PLEKHH1: variants seen among roughly 807,000 people sequenced by gnomAD.
PLEKHH1 encodes pleckstrin homology, MyTH4 and FERM domain containing H1, also known as pleckstrin homology domain-containing family H member 1.
PLEKHH1 carries 104 observed loss-of-function variants against 160.0 expected under a neutral mutation model. The observed-to-expected ratio is 0.65, with a 90% CI of 0.55 to 0.76. PLEKHH1 has a LOEUF of 0.76. PLEKHH1 is among the 30% of genes least tolerant of loss of function. The pLI, the probability that PLEKHH1 is intolerant of heterozygous loss-of-function variation, is 0.00. For missense variants in PLEKHH1, 1,427 were observed against 1,724.1 expected, an observed-to-expected ratio of 0.83 and a Z score of 3.05; for synonymous variants, 619 against 678.4, an observed-to-expected ratio of 0.91 and a Z score of 1.36.
chr14:67,559,628 A>C lies in PLEKHH1; in HGVS notation c.360A>C (p.Glu120Asp). 6.2e-7 allele frequency: 1 copy of C among 1,601,268 alleles called. No individual in the cohort carries two copies. The highest frequency in any genetic ancestry group is 8.5e-7 in the Non-Finnish European group (1 of 1,173,812). ...TGCAGAAGCAGATGAGGGCAGAGGAAGCAAAAACTGTTCAAGAAAAAGCTG... is the reference window on the plus strand; with the variant it reads ...TGCAGAAGCAGATGAGGGCAGAGGACGCAAAAACTGTTCAAGAAAAAGCTG... Reference protein sequence around the residue: ...LEKQKQMRAEEAKTVQEKAAK... With the variant: ...LEKQKQMRAEDAKTVQEKAAK... Residue 120 changes from glutamate (E) to aspartate (D), a missense_variant, in exon 5 of 29, where the codon GAA (glutamate) becomes GAC (aspartate). This residue lies in a region of PLEKHH1 where 831 missense variants were observed against 929.2 expected (regional missense o/e 0.89). Transcript: ENST00000329153.
At position 67,583,892 on chromosome 14, in the gene PLEKHH1, G is replaced by T; in HGVS notation, c.3569+9G>T. 1 of 1,613,150 alleles carries T rather than the reference G, an allele frequency of 6.2e-7. No homozygotes were observed. The highest frequency in any genetic ancestry group is 8.5e-7 in the Non-Finnish European group (1 of 1,179,230). The stretch of plus-strand genomic sequence containing the variant: ...CCCGCTGAACAGCTGAGGTAGGTAG[G>T]CTACAAGGTCTTGCAGCAAGTCACT... On this transcript the variant is annotated intron_variant, in intron 25 of 28. Transcript: ENST00000329153.
At chr14:67,571,637 TCCC>T in intron 9 of PLEKHH1, 112 bp from the exon 10 acceptor site, 1 of 984,308 alleles carries the variant, frequency 1.0e-6, no homozygotes, top group East Asian at 2.4e-5. Flanking sequence ...CTGTTCAGAG[TCCC>T]GGCTGGGGGT....
chr14:67,572,410 C>T (rs1801237897), intron 11 of PLEKHH1, 133 bp downstream of exon 11: 6 of 173,934 alleles, frequency 3.4e-5, no homozygotes, highest in East Asian at 1.4e-4. Flanking sequence ...GGGCAGGGGG[C>T]GTGGGCTGGG....
rs560689997 is a variant in PLEKHH1, at chr14:67,572,296, G to A, written c.1728+19G>A. 99 of 1,572,202 alleles carry A rather than the reference G, an allele frequency of 6.3e-5. No homozygotes were observed. The highest frequency in any genetic ancestry group is 7.6e-5 in the Non-Finnish European group (88 of 1,163,354). ...GGGCGGGGTGAGCCGGGAAACGGGC[G>A]GGGGCAGGGTGGAAGCAGAATGCAG... On this transcript the variant is annotated intron_variant, in intron 11 of 28. Coordinates refer to ENST00000329153, the MANE Select transcript of PLEKHH1 (RefSeq NM_020715.3).
chr14:67,564,269 C>T (rs903961454), intron 7 of PLEKHH1, among the ~76,000 whole-genome samples: 3 of 152,088 alleles, frequency 2.0e-5, no homozygotes, highest in Non-Finnish European at 4.4e-5. Context: ...TCTCAATGTG[C>T]TGGGATTATA....
chr14:67,583,864 G>T lies in PLEKHH1; in HGVS notation c.3550G>T (p.Ala1184Ser). The change falls in exon 25 of 29, where the codon GCC (alanine) becomes TCC (serine). Residue 1184 changes from alanine to serine, a missense_variant. Ala to Ser is a moderately conservative substitution (Grantham distance 99, BLOSUM62 1). Around this residue, in one of 6 missense-constraint regions of PLEKHH1, gnomAD observed 436 missense variants for 607.5 expected, o/e 0.72. Transcript: ENST00000329153. The part of the protein sequence containing the change: ...RFHPRRYRHG[A>S]PAEQLRHLAD... The stretch of plus-strand genomic sequence containing the variant: ...CCACCCCAGGCGCTATAGACATGGG[G>T]CCCCCGCTGAACAGCTGAGGTAGGT... The T allele has an allele frequency of 6.2e-7, 1 of 1,613,706 alleles. No individual in the cohort carries two copies. Among genetic ancestry groups the T allele is most frequent in the Non-Finnish European group, 8.5e-7 (1 of 1,179,752 alleles).
Position 67,582,570 on chromosome 14 carries a change from G to C in PLEKHH1, c.3426+360G>C, listed in dbSNP as rs377291501. Among the ~76,000 whole-genome samples, 3 of 152,146 alleles carry C rather than the reference G, an allele frequency of 2.0e-5. No homozygotes were observed. The highest frequency in any genetic ancestry group is 7.2e-5 in the African/African-American group (3 of 41,418). ...GCAGTGGCTCATGCCTGTAATGTCA[G>C]CACTTTGCGAGGCCGAGGCGGGCAG... is the stretch of plus-strand genomic sequence containing the variant. On this transcript the variant is annotated intron_variant, in intron 24 of 28. Coordinates refer to ENST00000329153, the MANE Select transcript of PLEKHH1 (RefSeq NM_020715.3). The surrounding 1 kb of genome is among the most constrained non-coding windows in gnomAD (Gnocchi z 5.0).
At chr14:67,577,529 C>A (rs2035677187) in intron 18 of PLEKHH1, 115 bp downstream of exon 18, 2 of 690,476 alleles carry the variant, frequency 2.9e-6, no homozygotes, top group African/African-American at 3.6e-5. Flanking sequence ...GGGAAGGAAA[C>A]TTCCCAGGGT....
intron 1 of PLEKHH1, among the ~76,000 whole-genome samples, chr14:67,539,104 C>T (rs535609475): frequency 5.5e-4 from 84 of 152,284 alleles, no homozygotes; most frequent in African/African-American, 1.9e-3. Flanking sequence ...AGTTGCGAGA[C>T]TCCCAGGTCC....
intron 4 of PLEKHH1, 38 bp downstream of exon 4, chr14:67,557,456 C>G (rs369379811): frequency 6.3e-7 from 1 of 1,598,128 alleles, no homozygotes; most frequent in Non-Finnish European, 8.5e-7. Context: ...ATGCCCTCTT[C>G]GACATCTGTA....
rs1335160340 is a variant in PLEKHH1, at chr14:67,587,092, A to G, written c.3952A>G (p.Ile1318Val). The change falls in exon 29 of 29, where the codon ATC becomes GTC. Residue 1318 changes from isoleucine to valine, a missense_variant. By Grantham distance (29) the Ile-to-Val change is conservative. Coordinates refer to ENST00000329153, the MANE Select transcript of PLEKHH1 (RefSeq NM_020715.3). ...CTCTTAGATTGCAGAAGCTACCTTC[A>G]TCATGGCCAGCTATATGAACCATTG... Reference protein sequence around the residue: ...AAPKIAEATFIMASYMNHCTT... With the variant: ...AAPKIAEATFVMASYMNHCTT... 1 of 1,610,698 alleles carries G rather than the reference A, an allele frequency of 6.2e-7. No individual in the cohort carries two copies. The highest frequency in any genetic ancestry group is 1.7e-5 in the Admixed American group (1 of 59,174).
chr14:67,568,023 G>A (rs2035189323), intron 7 of PLEKHH1, among the ~76,000 whole-genome samples: 1 of 152,202 alleles, frequency 6.6e-6, no homozygotes, highest in Non-Finnish European at 1.5e-5. Flanking sequence ...CATTCTCCCA[G>A]TGTCTTCTGC....
chr14:67,555,806 T>A lies in PLEKHH1; in HGVS notation c.127-19T>A. 6.2e-7 allele frequency: 1 copy of A among 1,612,578 alleles called. No individual in the cohort carries two copies. The highest frequency in any genetic ancestry group is 8.5e-7 in the Non-Finnish European group (1 of 1,179,218). ...AGGGACATGGCACCTACATCTCCCC[T>A]TTCTCTCTGGCCAAGCAGATGCAGG... is the stretch of plus-strand genomic sequence containing the variant. On this transcript the variant is annotated intron_variant, in intron 2 of 28. Transcript: ENST00000329153.
chr14:67,570,084 G>A (rs1265903653), intron 9 of PLEKHH1, 72 bp downstream of exon 9: 2 of 1,073,234 alleles, frequency 1.9e-6, no homozygotes, highest in Non-Finnish European at 2.8e-6. Context: ...CAATGACTGG[G>A]GCGGGGCTCT....
At chr14:67,538,393 C>T (rs941704) in intron 1 of PLEKHH1, among the ~76,000 whole-genome samples, 138,139 of 152,286 alleles carry the variant, frequency 0.91, 62,934 homozygotes, top group Non-Finnish European at 0.96. Flanking sequence ...TAATTGTGTT[C>T]GTCCTCCATC....
rs1290118376 is a variant in PLEKHH1, at chr14:67,579,228, G to A, written c.2944G>A (p.Val982Met). 1 of 1,611,338 alleles carries A rather than the reference G, an allele frequency of 6.2e-7. No individual in the cohort carries two copies. Among genetic ancestry groups the A allele is most frequent in the East Asian group, 2.2e-5 (1 of 44,762 alleles). ...EREARPSRME[V>M]VSILLRNPFH... is the part of the protein sequence containing the mutation. ...GGAAGCCAGGCCATCGCGCATGGAA[G>A]TGGTGTCCATCCTGCTGCGTAACCC... Residue 982 changes from valine to methionine, a missense_variant, in exon 21 of 29, where the codon GTG (valine) becomes ATG (methionine). Around this residue, in one of 6 missense-constraint regions of PLEKHH1, gnomAD observed 436 missense variants for 607.5 expected, o/e 0.72. Transcript: ENST00000329153.
rs941319733 is a variant in PLEKHH1 at position 67,560,747 on chromosome 14, T to G, written c.423+1056T>G. 7.0e-3 allele frequency among the ~76,000 whole-genome samples: 989 copies of G among 140,348 alleles called. 8 individuals are homozygous for G. Among genetic ancestry groups the G allele is most frequent in the African/African-American group, 0.024 (931 of 39,030 alleles). The allele number at this position is 140,348 out of a possible 152,430, so 92.1% of individuals were successfully genotyped here. A position where few individuals can be genotyped will look rare whatever the true frequency, so the allele number is the denominator to read the frequency against. ...TATATCTTTTTTTTTTTTTTTTTTT[T>G]GAGACGGAGTCTCGCTCTTGTTTCC... On this transcript the variant is annotated intron_variant, in intron 5 of 28. Transcript: ENST00000329153.
At chr14:67,543,490 C>T (rs1270531018) in intron 2 of PLEKHH1, among the ~76,000 whole-genome samples, 4 of 152,340 alleles carry the variant, frequency 2.6e-5, no homozygotes, top group Admixed American at 1.3e-4. Context: ...TGGTCAGAAC[C>T]GTTTGGCCAG....
intron 5 of PLEKHH1, among the ~76,000 whole-genome samples, chr14:67,561,360 G>A (rs377205891): frequency 1.3e-5 from 2 of 152,114 alleles, no homozygotes; most frequent in African/African-American, 4.8e-5. Context: ...AGACCAACCT[G>A]GCCAACATGG....
Sources: gnomAD v4.1 joint callset for allele counts (sites outside exome capture counted in the v4.1 genomes callset) on GRCh38, gnomAD v4.1.1 for gene constraint, gnomAD v4.1.1 regional missense constraint, Gnocchi (gnomAD v3.1) non-coding constraint, MANE v1.5 for transcripts, NCBI Gene and HGNC (gene_info 2026-07-23, HGNC 2026-07-21) for gene names.